The following GRB2 variants were observed in gnomAD, a reference collection of about 807,000 sequenced individuals.
The protein encoded by GRB2 is growth factor receptor bound protein 2, also known as growth factor receptor-bound protein 2.
GRB2 carries 2 observed loss-of-function variants against 27.4 expected under a neutral mutation model. That is an observed-to-expected ratio of 0.07 (90% CI 0.03 to 0.23). The LOEUF (loss-of-function observed/expected upper bound fraction) is 0.23, where lower values mean the gene tolerates loss of function less well. Ranked by LOEUF, GRB2 falls within the 10% of genes least tolerant of loss-of-function variation. The pLI, the probability that GRB2 is intolerant of heterozygous loss-of-function variation, is 1.00. For synonymous variants in GRB2, 94 were observed against 99.6 expected, an observed-to-expected ratio of 0.94 and a Z score of 0.33; for missense variants, 102 against 282.4, an observed-to-expected ratio of 0.36 and a Z score of 4.58.
intron 2 of GRB2, among the ~76,000 whole-genome samples, chr17:75,389,519 T>C (rs1184501897): frequency 6.6e-6 from 1 of 152,088 alleles, no homozygotes; most frequent in Non-Finnish European, 1.5e-5. Context: ...CACCATTTCC[T>C]CATCTGTAAA....
intron 2 of GRB2, among the ~76,000 whole-genome samples, chr17:75,347,176 C>T (rs1462340528): frequency 2.6e-5 from 4 of 152,084 alleles, no homozygotes; most frequent in Non-Finnish European, 4.4e-5. Flanking sequence ...AGAGAAACTT[C>T]GCCCACACTG....
intron 2 of GRB2, among the ~76,000 whole-genome samples, chr17:75,356,990 G>A (rs1458040558): frequency 7.9e-5 from 12 of 152,140 alleles, no homozygotes; most frequent in African/African-American, 2.7e-4. Flanking sequence ...CCAGGCTAAT[G>A]GCTTTTATAA....
chr17:75,343,454 TAGA>T (rs1567861902), intron 2 of GRB2, among the ~76,000 whole-genome samples: 2 of 152,336 alleles, frequency 1.3e-5, no homozygotes, highest in East Asian at 1.9e-4. Flanking sequence ...TCATACATGT[TAGA>T]AGATGAACAA....
At chr17:75,337,538 C>T (rs1294714069) in intron 2 of GRB2, among the ~76,000 whole-genome samples, 1 of 151,412 alleles carries the variant, frequency 6.6e-6, no homozygotes, top group Non-Finnish European at 1.5e-5. Context: ...AGCTCACATC[C>T]TTCACAAATA....
rs150385017 is a variant in GRB2, at chr17:75,386,142, G to A, written c.78+7409C>T. Among the ~76,000 whole-genome samples the A allele has an allele frequency of 1.8e-3, 277 of 150,968 alleles. 4 individuals carry two copies. Among genetic ancestry groups the A allele is most frequent in the Admixed American group, 0.018 (268 of 15,170 alleles). On this transcript the variant is annotated intron_variant, in intron 2 of 5. Transcript: ENST00000316804. ...ATAAATTCTTTTTTTTTTTGGAGAC[G>A]GAGTCTCACTCTGTCGCCCAGGCTG... is the stretch of plus-strand genomic sequence containing the variant.
chr17:75,398,806 G>A (rs2079045354), intron 1 of GRB2, among the ~76,000 whole-genome samples: 1 of 152,052 alleles, frequency 6.6e-6, no homozygotes, highest in Admixed American at 6.6e-5. Flanking sequence ...GGAGTGCAGT[G>A]GCGTGATCTC....
intron 2 of GRB2, among the ~76,000 whole-genome samples, chr17:75,355,816 C>CT (rs1170570570): frequency 0.15 from 17,788 of 115,576 alleles, 2,150 homozygotes; most frequent in African/African-American, 0.34. Flanking sequence ...TTCCTTTCTT[C>CT]TTTTTTTTTT....
At chr17:75,385,068 C>T (rs1275972923) in intron 2 of GRB2, among the ~76,000 whole-genome samples, 4 of 37,586 alleles carry the variant, frequency 1.1e-4, no homozygotes, top group African/African-American at 2.3e-4. Flanking sequence ...AGCAAACAAA[C>T]AAACAAACAA....
chr17:75,364,568 C>T (rs1261052797), intron 2 of GRB2, among the ~76,000 whole-genome samples: 1 of 152,022 alleles, frequency 6.6e-6, no homozygotes, highest in African/African-American at 2.4e-5. Context: ...TGTCTGTAAC[C>T]ACTATGTAAA....
chr17:75,343,748 CG>C (rs1364623705), intron 2 of GRB2, among the ~76,000 whole-genome samples: 2 of 152,058 alleles, frequency 1.3e-5, no homozygotes, highest in Non-Finnish European at 2.9e-5. Context: ...AACTGTCTTG[CG>C]TTTTGTGACA....
Position 75,318,573 on chromosome 17 carries a change from G to A in GRB2, c.*1795C>T, listed in dbSNP as rs141324646. The A allele has an allele frequency of 6.6e-6, 1 of 152,396 alleles. No homozygotes were observed. The highest frequency in any genetic ancestry group is 1.9e-4 in the East Asian group (1 of 5,180). The allele number at this position is 152,396 out of a possible 1,614,324, so 9.4% of individuals were successfully genotyped here. A position where few individuals can be genotyped will look rare whatever the true frequency, so the allele number is the denominator to read the frequency against. ...GGCACATCACCACAGGGGACCAGAA[G>A]TGGAGAGAAGACAGAGAGTTCTGCC... On this transcript the variant is annotated 3_prime_UTR_variant, in exon 6 of 6. Coordinates refer to ENST00000316804, the MANE Select transcript of GRB2 (RefSeq NM_002086.5).
At chr17:75,380,346 TAA>T (rs5822085) in intron 2 of GRB2, among the ~76,000 whole-genome samples, 1 of 142,920 alleles carries the variant, frequency 7.0e-6, no homozygotes, top group Non-Finnish European at 1.5e-5. Flanking sequence ...TAGCTTGTAG[TAA>T]AAAAAAAAAA....
Position 75,320,281 on chromosome 17 carries a change from G to T in GRB2, c.*87C>A. On this transcript the variant is annotated 3_prime_UTR_variant, in exon 6 of 6. Transcript: ENST00000316804. The surrounding 1 kb of genome is among the most constrained non-coding windows in gnomAD (Gnocchi z 4.3). ...GCCAGGTGTTCTGCACTCCCTCACA[G>T]GCTGCTGTCAGAGGCAGCTTGTGGG... 1 of 1,169,734 alleles carries T rather than the reference G, an allele frequency of 8.5e-7. No homozygotes were observed. The highest frequency in any genetic ancestry group is 1.3e-6 in the Non-Finnish European group (1 of 788,058). The allele number at this position is 1,169,734 out of a possible 1,614,324, so 72.5% of individuals were successfully genotyped here. A position where few individuals can be genotyped will look rare whatever the true frequency, so the allele number is the denominator to read the frequency against.
In GRB2 at chr17:75,367,072, C is replaced by T. The variant is rs114593957; in HGVS notation, c.78+26479G>A. On this transcript the variant is annotated intron_variant, in intron 2 of 5. Coordinates refer to ENST00000316804, the MANE Select transcript of GRB2 (RefSeq NM_002086.5). ...CATTTATAGGGCCACACTATTCTTA[C>T]GAGGCACAAATAAAATTAAGGCTTA... is the stretch of plus-strand genomic sequence containing the variant. Among the ~76,000 whole-genome samples the T allele has an allele frequency of 4.2e-3, 644 of 152,148 alleles. 7 individuals are homozygous for T. The highest frequency in any genetic ancestry group is 0.014 in the African/African-American group (593 of 41,502).
intron 1 of GRB2, 165 bp downstream of exon 1, chr17:75,405,324 G>A (rs532621539): frequency 6.6e-6 from 1 of 152,544 alleles, no homozygotes; most frequent in Non-Finnish European, 1.5e-5. Flanking sequence ...CCCCAAAAGG[G>A]GAAACGTAGA....
chr17:75,343,633 A>T (rs1189297567), intron 2 of GRB2, among the ~76,000 whole-genome samples: 1 of 152,162 alleles, frequency 6.6e-6, no homozygotes, highest in Non-Finnish European at 1.5e-5. Context: ...CACTTATGTG[A>T]TATTACTCCA....
chr17:75,393,006 A>G (rs192434138), intron 2 of GRB2, among the ~76,000 whole-genome samples: 68 of 152,214 alleles, frequency 4.5e-4, no homozygotes, highest in Admixed American at 3.8e-3. Flanking sequence ...ATTATTTAGA[A>G]CTCCATTTGT....
chr17:75,356,989 T>C (rs926515385), intron 2 of GRB2, among the ~76,000 whole-genome samples: 14 of 152,216 alleles, frequency 9.2e-5, no homozygotes, highest in Non-Finnish European at 1.9e-4. Flanking sequence ...TCCAGGCTAA[T>C]GGCTTTTATA....
In GRB2 at chr17:75,320,304, GGGTTTAATTCTTTTGTAT is replaced by G; in HGVS notation, c.*46_*63del. ...CAGGCTGCTGTCAGAGGCAGCTTGT[GGGTTTAATTCTTTTGTAT>G]GTGTTTTACATTTTTCACTTTCTTT... On this transcript the variant is annotated 3_prime_UTR_variant, in exon 6 of 6. Transcript: ENST00000316804. The surrounding 1 kb of genome is among the most constrained non-coding windows in gnomAD (Gnocchi z 4.3). 4 of 1,402,488 alleles carry G rather than the reference GGGTTTAATTCTTTTGTAT, an allele frequency of 2.9e-6. No individual in the cohort carries two copies. Among genetic ancestry groups the G allele is most frequent in the Non-Finnish European group, 4.0e-6 (4 of 991,042 alleles). The allele number at this position is 1,402,488 out of a possible 1,614,324, so 86.9% of individuals were successfully genotyped here.
Sources: allele counts gnomAD v4.1 joint callset (sites outside exome capture counted in the v4.1 genomes callset), GRCh38; gene constraint gnomAD v4.1.1; non-coding constraint Gnocchi (gnomAD v3.1); transcripts MANE v1.5; gene names NCBI Gene and HGNC (gene_info 2026-07-23, HGNC 2026-07-21).